The following CDK14 variants were observed in gnomAD, a reference collection of about 807,000 sequenced individuals.
CDK14 encodes the protein cyclin-dependent kinase 14.
A neutral mutation model predicts 60.7 loss-of-function variants in CDK14; 34 were observed. The ratio of observed to expected loss-of-function variants is 0.56; its 90% confidence interval spans 0.43 to 0.75. The LOEUF (loss-of-function observed/expected upper bound fraction) is 0.75, where lower values mean the gene tolerates loss of function less well. Ranked by LOEUF, CDK14 falls within the 30% of genes least tolerant of loss-of-function variation. The pLI is 0.00. For synonymous variants in CDK14, 197 were observed against 203.7 expected, an observed-to-expected ratio of 0.97 and a Z score of 0.28; for missense variants, 482 against 564.1, an observed-to-expected ratio of 0.85 and a Z score of 1.47.
chr7:90,654,485 TAA>T (rs1418745364), intron 2 of CDK14, among the ~76,000 whole-genome samples: 2 of 152,152 alleles, frequency 1.3e-5, no homozygotes, highest in Non-Finnish European at 2.9e-5. Context: ...AAGGAGAGTG[TAA>T]AGTCTTTTTC....
intron 6 of CDK14, among the ~76,000 whole-genome samples, chr7:90,898,180 C>T (rs1484638499): frequency 6.6e-6 from 1 of 152,110 alleles, no homozygotes; most frequent in African/African-American, 2.4e-5. Flanking sequence ...AAATACTACA[C>T]AGCAGACTTT....
rs28511873 is a variant in CDK14 at position 90,929,234 on chromosome 7, A to G, written c.826+11510A>G. Among the ~76,000 whole-genome samples the G allele has an allele frequency of 5.0e-3, 763 of 152,318 alleles. 3 individuals carry two copies. The highest frequency in any genetic ancestry group is 0.012 in the African/African-American group (506 of 41,582). ...TGCACCCAGTGTCTGACAAGCCCCA[A>G]TGAGATGAACGTGGTACCTCAGTTG... On this transcript the variant is annotated intron_variant, in intron 8 of 14. Transcript: ENST00000380050.
intron 5 of CDK14, among the ~76,000 whole-genome samples, chr7:90,834,022 A>C (rs1023917203): frequency 2.0e-5 from 3 of 152,214 alleles, no homozygotes; most frequent in Non-Finnish European, 4.4e-5. Context: ...CTGTTCTGGC[A>C]GTGACTAAAA....
intron 14 of CDK14, among the ~76,000 whole-genome samples, chr7:91,186,905 A>G (rs1349504050): frequency 6.6e-6 from 1 of 152,232 alleles, no homozygotes; most frequent in Non-Finnish European, 1.5e-5. Context: ...TGGACATGAA[A>G]TGTTATATTG....
At chr7:91,108,469 G>T (rs1384064786) in intron 12 of CDK14, among the ~76,000 whole-genome samples, 4 of 152,158 alleles carry the variant, frequency 2.6e-5, no homozygotes, top group Admixed American at 6.5e-5. Context: ...GATATTGGGT[G>T]CCAAAATACC....
chr7:90,722,714 C>T (rs1802501433), intron 2 of CDK14, among the ~76,000 whole-genome samples: 1 of 151,702 alleles, frequency 6.6e-6, no homozygotes, highest in African/African-American at 2.4e-5. Context: ...TGCATAGTTT[C>T]CACTGATTTT....
chr7:90,999,634 CTG>C (rs1441824264), intron 10 of CDK14, among the ~76,000 whole-genome samples: 1 of 152,112 alleles, frequency 6.6e-6, no homozygotes, highest in Non-Finnish European at 1.5e-5. Context: ...GTAGGAAAAA[CTG>C]TTGGGGGACA....
intron 2 of CDK14, among the ~76,000 whole-genome samples, chr7:90,702,565 T>G (rs1327294756): frequency 6.6e-6 from 1 of 152,120 alleles, no homozygotes; most frequent in Non-Finnish European, 1.5e-5. Flanking sequence ...CACAGGAAAG[T>G]CAATTAAATT....
chr7:91,171,800 C>A (rs1047062675), intron 14 of CDK14, among the ~76,000 whole-genome samples: 1 of 152,134 alleles, frequency 6.6e-6, no homozygotes, highest in African/African-American at 2.4e-5. Context: ...GGATGCACCA[C>A]CACACCCAGC....
chr7:90,772,676 C>A (rs1804835747), intron 4 of CDK14, among the ~76,000 whole-genome samples: 1 of 152,130 alleles, frequency 6.6e-6, no homozygotes, highest in Non-Finnish European at 1.5e-5. Context: ...GAGGCCTCCC[C>A]AACCGTGTTT....
intron 10 of CDK14, among the ~76,000 whole-genome samples, chr7:91,041,930 A>G (rs1797103357): frequency 6.6e-6 from 1 of 152,188 alleles, no homozygotes; most frequent in South Asian, 2.1e-4. Flanking sequence ...GTATCCAGAG[A>G]TCAACATCAT....
chr7:90,631,410 T>C (rs1160348225), intron 2 of CDK14, among the ~76,000 whole-genome samples: 1 of 152,204 alleles, frequency 6.6e-6, no homozygotes, highest in East Asian at 1.9e-4. Flanking sequence ...TGATAAGGTA[T>C]GAGGTAGAGT....
At chr7:91,063,938 A>T (rs1338350589) in intron 11 of CDK14, among the ~76,000 whole-genome samples, 2 of 152,020 alleles carry the variant, frequency 1.3e-5, no homozygotes, top group East Asian at 1.9e-4. Flanking sequence ...AGCTCTTGAG[A>T]TGCATTTTCT....
At chr7:90,691,640 C>T (rs139565862) in intron 2 of CDK14, among the ~76,000 whole-genome samples, 1 of 152,190 alleles carries the variant, frequency 6.6e-6, no homozygotes, top group Non-Finnish European at 1.5e-5. Context: ...ACGTTGCTTC[C>T]ATTTCAAAAA....
In CDK14 at chr7:91,011,908, G is replaced by A. The variant is rs143167251; in HGVS notation, c.1041+27667G>A. On this transcript the variant is annotated intron_variant, in intron 10 of 14. Coordinates refer to ENST00000380050, the MANE Select transcript of CDK14 (RefSeq NM_001287135.2). ...AAAGTCTGTCATCTTTGTCATTTCT[G>A]GGTCACTTTGATTGATTCAGTTGAT... is the stretch of plus-strand genomic sequence containing the variant. Among the ~76,000 whole-genome samples, 672 of 152,056 alleles carry A rather than the reference G, an allele frequency of 4.4e-3. 2 individuals carry two copies. The highest frequency in any genetic ancestry group is 6.9e-3 in the South Asian group (33 of 4,804).
chr7:91,164,925 A>T (rs1342923826), intron 14 of CDK14, among the ~76,000 whole-genome samples: 1 of 152,242 alleles, frequency 6.6e-6, no homozygotes, highest in Non-Finnish European at 1.5e-5. Flanking sequence ...AACAGAAAAA[A>T]GAAGAGGAAA....
chr7:90,946,468 T>C (rs1170307851), intron 8 of CDK14, among the ~76,000 whole-genome samples: 1 of 152,160 alleles, frequency 6.6e-6, no homozygotes, highest in Non-Finnish European at 1.5e-5. Flanking sequence ...GTGAAAATAA[T>C]TCAGAAAACC....
intron 2 of CDK14, among the ~76,000 whole-genome samples, chr7:90,676,146 A>G (rs1265904798): frequency 1.3e-5 from 2 of 152,252 alleles, no homozygotes; most frequent in African/African-American, 4.8e-5. Context: ...TCACAATCAT[A>G]GAGGTTGCAT....
intron 5 of CDK14, among the ~76,000 whole-genome samples, chr7:90,856,486 TC>T (rs139932952): frequency 0.03 from 4,593 of 152,194 alleles, 226 homozygotes; most frequent in African/African-American, 0.1. Flanking sequence ...TCATTGCTCT[TC>T]CAGTGTTTAG....
Sources: gnomAD v4.1 joint callset for allele counts (sites outside exome capture counted in the v4.1 genomes callset) on GRCh38, gnomAD v4.1.1 for gene constraint, MANE v1.5 for transcripts, NCBI Gene and HGNC (gene_info 2026-07-23, HGNC 2026-07-21) for gene names.